DNAJB12: variants seen among roughly 807,000 people sequenced by gnomAD.
DNAJB12 encodes DnaJ heat shock protein family (Hsp40) member B12.
A neutral mutation model predicts 40.6 loss-of-function variants in DNAJB12; 14 were observed. The ratio of observed to expected loss-of-function variants is 0.34; its 90% confidence interval spans 0.23 to 0.54. The LOEUF (loss-of-function observed/expected upper bound fraction) is 0.54, where lower values mean the gene tolerates loss of function less well. DNAJB12 is among the 20% of genes least tolerant of loss of function. The probability of loss-of-function intolerance (pLI) is 0.92; values close to 1 mark genes in which losing one functional copy is unlikely to be tolerated. For missense variants in DNAJB12, 444 were observed against 501.7 expected, an observed-to-expected ratio of 0.89 and a Z score of 1.10; for synonymous variants, 181 against 199.5, an observed-to-expected ratio of 0.91 and a Z score of 0.78.
intron 1 of DNAJB12, among the ~76,000 whole-genome samples, chr10:72,349,014 T>G (rs530035274): frequency 5.2e-4 from 79 of 152,254 alleles, no homozygotes; most frequent in African/African-American, 1.8e-3. Flanking sequence ...TGCTCTTAAC[T>G]ACGCTGCTAT....
chr10:72,337,465 A>C (rs1861509065), intron 6 of DNAJB12, among the ~76,000 whole-genome samples: 1 of 152,220 alleles, frequency 6.6e-6, no homozygotes, highest in African/African-American at 2.4e-5. Context: ...GACATCAGTG[A>C]GGGGAGCTGA....
intron 1 of DNAJB12, among the ~76,000 whole-genome samples, chr10:72,352,783 A>C (rs933068118): frequency 2.6e-5 from 4 of 152,180 alleles, no homozygotes; most frequent in Non-Finnish European, 5.9e-5. Context: ...GGACTTTGCA[A>C]ACAAAACATA....
chr10:72,336,867 C>A (rs1564817514), intron 6 of DNAJB12, 171 bp from the exon 7 acceptor site: 1 of 551,036 alleles, frequency 1.8e-6, no homozygotes, highest in African/African-American at 1.9e-5. Context: ...GAGGAAAAGG[C>A]AGCGTCCTCC....
chr10:72,346,994 T>G (rs1280612546), intron 1 of DNAJB12, among the ~76,000 whole-genome samples: 2 of 151,556 alleles, frequency 1.3e-5, no homozygotes, highest in Non-Finnish European at 2.9e-5. Context: ...AGACGGAGTC[T>G]CACTCTGTTG....
Position 72,342,767 on chromosome 10 carries a change from G to A in DNAJB12, c.457+599C>T, listed in dbSNP as rs370540200. On this transcript the variant is annotated intron_variant, in intron 3 of 8. Transcript: ENST00000444643. The stretch of plus-strand genomic sequence containing the variant: ...CAGTGCACAGAGTCAGTACACATGA[G>A]CGCCTGACAGGTTAAATGAAAATGT... Among the ~76,000 whole-genome samples, 118 of 152,354 alleles carry A rather than the reference G, an allele frequency of 7.7e-4. 4 individuals carry two copies. The South Asian group carries it at 0.024, about 31-fold the overall frequency.
intron 3 of DNAJB12, among the ~76,000 whole-genome samples, chr10:72,342,462 T>C (rs1861665229): frequency 6.6e-6 from 1 of 152,170 alleles, no homozygotes. Context: ...AGGCAGAGGC[T>C]GGGGCTGGAG....
chr10:72,347,794 T>G (rs1237596816), intron 1 of DNAJB12, among the ~76,000 whole-genome samples: 1 of 151,582 alleles, frequency 6.6e-6, no homozygotes, highest in Non-Finnish European at 1.5e-5. Context: ...GCGCTTGTAA[T>G]CCCAGCTACT....
rs1383451458 is a variant in DNAJB12, at chr10:72,333,270, A to G, written c.*1378T>C. 1 of 152,218 alleles carries G rather than the reference A, an allele frequency of 6.6e-6. No individual in the cohort carries two copies. The highest frequency in any genetic ancestry group is 2.4e-5 in the African/African-American group (1 of 41,458). The allele number at this position is 152,218 out of a possible 1,614,324, so 9.4% of individuals were successfully genotyped here. A position where few individuals can be genotyped will look rare whatever the true frequency, so the allele number is the denominator to read the frequency against. On this transcript the variant is annotated 3_prime_UTR_variant, in exon 9 of 9. Coordinates refer to ENST00000444643, the MANE Select transcript of DNAJB12 (RefSeq NM_017626.7). ...CGGGCGCAATGACACACCCACCGCC[A>G]CAGGAAAACATGGTCATTCCAGAAG...
At chr10:72,338,877 AAAAAAG>A (rs1861550942) in intron 5 of DNAJB12, among the ~76,000 whole-genome samples, 3 of 152,330 alleles carry the variant, frequency 2.0e-5, no homozygotes, top group African/African-American at 7.2e-5. Context: ...CAAACAAACA[AAAAAAG>A]AAGAATTAGA....
Position 72,354,427 on chromosome 10 carries a change from A to ATC in DNAJB12, c.133+337_133+338insGA. The stretch of plus-strand genomic sequence containing the variant: ...GGCCGGCGACTGGCCTGGGCTACCG[A>ATC]ACGGCCCCTTGGGAAAAGTAGTTCG... On this transcript the variant is annotated intron_variant, in intron 1 of 8. Transcript: ENST00000444643. The ATC allele has an allele frequency of 2.1e-5, 6 of 287,446 alleles. No individual in the cohort carries two copies. In the South Asian group the frequency reaches 2.3e-4, roughly 11 times the overall value. The allele number at this position is 287,446 out of a possible 1,614,324, so 17.8% of individuals were successfully genotyped here.
In DNAJB12 at chr10:72,335,132, G is replaced by A; in HGVS notation, c.*31-515C>T. 8.1e-6 allele frequency: 8 copies of A among 989,074 alleles called. No individual in the cohort carries two copies. The highest frequency in any genetic ancestry group is 9.6e-6 in the Non-Finnish European group (8 of 831,898). The allele number at this position is 989,074 out of a possible 1,614,324, so 61.3% of individuals were successfully genotyped here. A position where few individuals can be genotyped will look rare whatever the true frequency, so the allele number is the denominator to read the frequency against. On this transcript the variant is annotated intron_variant, in intron 8 of 8. Transcript: ENST00000444643. The surrounding 1 kb of genome is among the most constrained non-coding windows in gnomAD (Gnocchi z 4.4). ...AAGGCCGGATGCCTGTGGCTTCCAG[G>A]CTGCCAGGTGTGACGGCATTCGAGA...
intron 1 of DNAJB12, among the ~76,000 whole-genome samples, chr10:72,350,113 T>TA (rs991847964): frequency 3.3e-5 from 5 of 151,852 alleles, no homozygotes; most frequent in African/African-American, 1.2e-4. Context: ...AGACTAGAGT[T>TA]AGATTTGGCC....
At chr10:72,341,916 TTC>T (rs1317599090) in intron 3 of DNAJB12, among the ~76,000 whole-genome samples, 1 of 152,210 alleles carries the variant, frequency 6.6e-6, no homozygotes, top group Non-Finnish European at 1.5e-5. Context: ...TTGCTTCAAG[TTC>T]TCTCTCCGAC....
intron 1 of DNAJB12, 65 bp from the exon 2 acceptor site, chr10:72,345,192 C>A: frequency 6.5e-7 from 1 of 1,539,396 alleles, no homozygotes; most frequent in Non-Finnish European, 8.8e-7. Flanking sequence ...CGCCGAGCGG[C>A]CCGCTGCTTC....
rs1025334441 is a variant in DNAJB12 at position 72,335,039 on chromosome 10, G to A, written c.*31-422C>T. On this transcript the variant is annotated intron_variant, in intron 8 of 8. Transcript: ENST00000444643. The surrounding 1 kb of genome is among the most constrained non-coding windows in gnomAD (Gnocchi z 4.4). ...CCCCTCCACCCCTCCTGTGCTGAGC[G>A]GCTGCGTCTGACCCTGAACTCATGA... 39 of 1,024,946 alleles carry A rather than the reference G, an allele frequency of 3.8e-5. No homozygotes were observed. Among genetic ancestry groups the A allele is most frequent in the Non-Finnish European group, 4.6e-5 (39 of 855,274 alleles). 63.5% of individuals were successfully genotyped at this position (1,024,946 alleles called of 1,614,324 possible).
At chr10:72,351,373 A>G (rs1314604253) in intron 1 of DNAJB12, among the ~76,000 whole-genome samples, 3 of 152,100 alleles carry the variant, frequency 2.0e-5, no homozygotes, top group African/African-American at 4.8e-5. Context: ...TTTTTGCTGC[A>G]AAGGCCAACA....
intron 6 of DNAJB12, chr10:72,336,908 T>C (rs1174413993): frequency 4.3e-6 from 2 of 466,054 alleles, no homozygotes; most frequent in Non-Finnish European, 3.9e-6. Context: ...CAGGACGCCC[T>C]GCCTTTAGAT....
intron 1 of DNAJB12, among the ~76,000 whole-genome samples, chr10:72,345,361 G>C (rs1312519121): frequency 6.6e-6 from 1 of 152,126 alleles, no homozygotes; most frequent in Admixed American, 6.5e-5. Context: ...CAGCATTTTG[G>C]GAGGCTGAGG....
intron 1 of DNAJB12, among the ~76,000 whole-genome samples, chr10:72,345,729 A>AC: frequency 6.6e-6 from 1 of 151,226 alleles, no homozygotes; most frequent in South Asian, 2.1e-4. Context: ...AAAAAAAAAA[A>AC]CCCCAAAAGA....
Sources: allele counts gnomAD v4.1 joint callset (sites outside exome capture counted in the v4.1 genomes callset), GRCh38; gene constraint gnomAD v4.1.1; non-coding constraint Gnocchi (gnomAD v3.1); transcripts MANE v1.5; gene names NCBI Gene and HGNC (gene_info 2026-07-23, HGNC 2026-07-21).